Variants in UBE2E2 observed in about 807,000 individuals in gnomAD.
The protein encoded by UBE2E2 is ubiquitin-conjugating enzyme E2 E2.
Under a neutral mutation model 24.7 loss-of-function variants are expected in UBE2E2, and 6 were observed. The ratio of observed to expected loss-of-function variants is 0.24; its 90% CI spans 0.13 to 0.48. The LOEUF (loss-of-function observed/expected upper bound fraction) is 0.48, where lower values mean the gene tolerates loss of function less well. Ranked by LOEUF, UBE2E2 falls within the 20% of genes least tolerant of loss-of-function variation. UBE2E2 has a pLI of 0.99. For missense variants in UBE2E2, 169 were observed against 245.0 expected (o/e 0.69, Z 2.07); for synonymous variants, 104 against 83.6 (o/e 1.24, Z -1.33).
At chr3:23,304,468 A>G (rs1206547752) in intron 3 of UBE2E2, among the ~76,000 whole-genome samples, 1 of 152,208 alleles carries the variant, frequency 6.6e-6, no homozygotes, top group Admixed American at 6.5e-5. Flanking sequence ...ATGTAAATAT[A>G]TTATGAAAAA....
chr3:23,313,894 T>G (rs1694493235), intron 3 of UBE2E2, among the ~76,000 whole-genome samples: 2 of 152,154 alleles, frequency 1.3e-5, no homozygotes, highest in African/African-American at 2.4e-5. Flanking sequence ...ATGTTTTAAT[T>G]TCTTGCTTTT....
chr3:23,539,741 G>A (rs1473660432), intron 5 of UBE2E2, among the ~76,000 whole-genome samples: 1 of 152,062 alleles, frequency 6.6e-6, no homozygotes, highest in Non-Finnish European at 1.5e-5. Flanking sequence ...TCTGATTGGT[G>A]TGTTCTGTAA....
chr3:23,228,845 T>G (rs1332751151), intron 3 of UBE2E2, among the ~76,000 whole-genome samples: 2 of 152,202 alleles, frequency 1.3e-5, no homozygotes, highest in Non-Finnish European at 2.9e-5. Flanking sequence ...CATTTTCTAC[T>G]TCAATACACA....
rs564858371 is a variant in UBE2E2, at chr3:23,332,007, C to T, written c.227+114695C>T. Among the ~76,000 whole-genome samples the T allele has an allele frequency of 1.1e-4, 17 of 152,098 alleles. No individual in the cohort carries two copies. In the East Asian group the frequency reaches 3.3e-3, roughly 29 times the overall value. ...GCATGGCCTTTTTACTTCTAAAGTC[C>T]TATGCTTCTTTACCTTAATACGGAT... On this transcript the variant is annotated intron_variant, in intron 3 of 5. Coordinates refer to ENST00000396703, the MANE Select transcript of UBE2E2 (RefSeq NM_152653.4).
At chr3:23,261,014 G>A (rs939935192) in intron 3 of UBE2E2, among the ~76,000 whole-genome samples, 3 of 152,058 alleles carry the variant, frequency 2.0e-5, no homozygotes, top group African/African-American at 7.2e-5. Flanking sequence ...GATGTGGGAG[G>A]ATCTCTTGAG....
chr3:23,435,774 G>A (rs764563837), intron 3 of UBE2E2, among the ~76,000 whole-genome samples: 6 of 152,182 alleles, frequency 3.9e-5, no homozygotes, highest in Non-Finnish European at 5.9e-5. Flanking sequence ...TTGGTAAGGT[G>A]GATGGTTTCG....
chr3:23,403,861 G>A (rs1214113332), intron 3 of UBE2E2, among the ~76,000 whole-genome samples: 1 of 146,024 alleles, frequency 6.8e-6, no homozygotes, highest in African/African-American at 2.5e-5. Flanking sequence ...TAAAAACATA[G>A]AGGACAAACA....
chr3:23,225,567 G>T (rs1696797187), intron 3 of UBE2E2, among the ~76,000 whole-genome samples: 1 of 152,102 alleles, frequency 6.6e-6, no homozygotes, highest in Non-Finnish European at 1.5e-5. Flanking sequence ...TTTTTACACT[G>T]AATTGTCTTG....
intron 5 of UBE2E2, among the ~76,000 whole-genome samples, chr3:23,579,427 A>G (rs1293116725): frequency 6.7e-6 from 1 of 148,676 alleles, no homozygotes; most frequent in African/African-American, 2.5e-5. Context: ...GTGGTGACTC[A>G]TATCTGTAAT....
At chr3:23,445,129 C>T (rs1370982871) in intron 3 of UBE2E2, among the ~76,000 whole-genome samples, 1 of 152,164 alleles carries the variant, frequency 6.6e-6, no homozygotes, top group Non-Finnish European at 1.5e-5. Flanking sequence ...AGCTTTTCAA[C>T]ATTGGTGAGA....
intron 4 of UBE2E2, among the ~76,000 whole-genome samples, chr3:23,522,833 C>T (rs1299903052): frequency 6.6e-6 from 1 of 151,714 alleles, no homozygotes; most frequent in Non-Finnish European, 1.5e-5. Flanking sequence ...ACCTGAGGCC[C>T]ATGAAGATGC....
intron 4 of UBE2E2, among the ~76,000 whole-genome samples, chr3:23,512,673 A>G (rs964207572): frequency 2.0e-5 from 3 of 151,950 alleles, no homozygotes; most frequent in Non-Finnish European, 4.4e-5. Context: ...GACTGCGCTC[A>G]GTGGCTCATG....
chr3:23,454,382 A>ATATTT (rs933069954), intron 3 of UBE2E2, among the ~76,000 whole-genome samples: 168 of 152,316 alleles, frequency 1.1e-3, no homozygotes, highest in African/African-American at 4.0e-3. Flanking sequence ...AATGCAATCC[A>ATATTT]TATTTTAAAA....
chr3:23,310,070 G>A (rs999502804), intron 3 of UBE2E2, among the ~76,000 whole-genome samples: 2 of 152,152 alleles, frequency 1.3e-5, no homozygotes, highest in African/African-American at 4.8e-5. Flanking sequence ...TCAACAGACC[G>A]AGATTAGACT....
intron 3 of UBE2E2, among the ~76,000 whole-genome samples, chr3:23,297,250 T>A (rs975357765): frequency 3.9e-5 from 6 of 151,966 alleles, no homozygotes; most frequent in African/African-American, 7.3e-5. Flanking sequence ...TTTCTCCCAT[T>A]CTGTAGGTTG....
chr3:23,338,422 A>G (rs1392075474), intron 3 of UBE2E2, among the ~76,000 whole-genome samples: 1 of 152,116 alleles, frequency 6.6e-6, no homozygotes, highest in Non-Finnish European at 1.5e-5. Context: ...AGATAAAGAG[A>G]AGGTTGCATA....
chr3:23,574,984 A>G (rs1696316408), intron 5 of UBE2E2, among the ~76,000 whole-genome samples: 1 of 152,184 alleles, frequency 6.6e-6, no homozygotes, highest in Admixed American at 6.5e-5. Flanking sequence ...GGAAATGCGC[A>G]TTGGAGCATT....
At chr3:23,588,300 G>A (rs997297571) in intron 5 of UBE2E2, among the ~76,000 whole-genome samples, 12 of 152,064 alleles carry the variant, frequency 7.9e-5, no homozygotes, top group South Asian at 2.1e-4. Flanking sequence ...ATATAAATCG[G>A]GGAAAGAGTG....
At chr3:23,383,892 T>A (rs1429464271) in intron 3 of UBE2E2, among the ~76,000 whole-genome samples, 6 of 143,878 alleles carry the variant, frequency 4.2e-5, no homozygotes, top group Non-Finnish European at 7.7e-5. Flanking sequence ...ATTATTTCTT[T>A]AAAAAAAAAA....
Sources: allele counts gnomAD v4.1 joint callset (sites outside exome capture counted in the v4.1 genomes callset), GRCh38; gene constraint gnomAD v4.1.1; transcripts MANE v1.5; gene names NCBI Gene and HGNC (gene_info 2026-07-23, HGNC 2026-07-21).